SUZ12: variants seen among roughly 807,000 people sequenced by gnomAD.
The protein encoded by SUZ12 is polycomb protein SUZ12.
A neutral mutation model predicts 87.3 loss-of-function variants in SUZ12; 17 were observed. That is an observed-to-expected ratio of 0.19 (90% CI 0.13 to 0.29). The LOEUF is 0.29. SUZ12 is among the 10% of genes least tolerant of loss of function. The probability of loss-of-function intolerance (pLI) is 1.00; values close to 1 mark genes in which losing one functional copy is unlikely to be tolerated. For missense variants in SUZ12, 526 were observed against 912.2 expected (o/e 0.58, Z 5.45); for synonymous variants, 253 against 312.4 (o/e 0.81, Z 2.01).
chr17:31,940,123 C>T (rs1906183985), intron 1 of SUZ12, among the ~76,000 whole-genome samples, 163 bp from the exon 2 acceptor site: 1 of 151,994 alleles, frequency 6.6e-6, no homozygotes, highest in African/African-American at 2.4e-5. Flanking sequence ...ACCTTTTGAT[C>T]TTACTGTGCA....
intron 1 of SUZ12, among the ~76,000 whole-genome samples, chr17:31,938,851 G>T (rs1906100872): frequency 6.6e-6 from 1 of 152,102 alleles, no homozygotes; most frequent in African/African-American, 2.4e-5. Context: ...CTGATGAGTC[G>T]ACCTCAGGGA....
chr17:31,997,029 G>A, intron 15 of SUZ12, 152 bp downstream of exon 15: 1 of 513,978 alleles, frequency 1.9e-6, no homozygotes, highest in Non-Finnish European at 3.1e-6. Flanking sequence ...AATGTTTTTT[G>A]GTTTGGCAGG....
At chr17:31,992,994 C>CG in intron 10 of SUZ12, among the ~76,000 whole-genome samples, 1 of 152,268 alleles carries the variant, frequency 6.6e-6, no homozygotes. Context: ...CGTGAGCCAC[C>CG]GCGCCCGGCC....
chr17:31,977,889 TAAAAA>T (rs914147390), intron 8 of SUZ12, among the ~76,000 whole-genome samples: 12 of 152,060 alleles, frequency 7.9e-5, no homozygotes, highest in East Asian at 1.9e-4. Flanking sequence ...ACTCTTGTCT[TAAAAA>T]GAAAAGAAAA....
chr17:31,970,965 G>A (rs1249972147), intron 5 of SUZ12, among the ~76,000 whole-genome samples: 1 of 151,792 alleles, frequency 6.6e-6, no homozygotes, highest in Non-Finnish European at 1.5e-5. Flanking sequence ...AATACCTTTG[G>A]GACTTTAAAA....
intron 4 of SUZ12, among the ~76,000 whole-genome samples, chr17:31,950,670 T>TGA (rs1906913950): frequency 6.6e-6 from 1 of 152,178 alleles, no homozygotes; most frequent in African/African-American, 2.4e-5. Flanking sequence ...GGCAAGAGTG[T>TGA]GACTCTGTCT....
intron 3 of SUZ12, among the ~76,000 whole-genome samples, chr17:31,941,668 G>C (rs575870655): frequency 6.6e-6 from 1 of 151,570 alleles, no homozygotes; most frequent in African/African-American, 2.4e-5. Flanking sequence ...TCCTCCTTCA[G>C]CCTCCTTAGT....
At chr17:31,993,135 C>A in intron 10 of SUZ12, 107 bp from the exon 11 acceptor site, 1 of 666,900 alleles carries the variant, frequency 1.5e-6, no homozygotes, top group Non-Finnish European at 2.4e-6. Flanking sequence ...TTAAATACCA[C>A]AAGTAGAATT....
rs1312219346 is a variant in SUZ12 at position 31,947,922 on chromosome 17, A to G, written c.455+237A>G. 7.2e-5 allele frequency among the ~76,000 whole-genome samples: 11 copies of G among 152,090 alleles called. No individual in the cohort carries two copies. In the South Asian group the frequency reaches 2.1e-3, roughly 29 times the overall value. On this transcript the variant is annotated intron_variant, in intron 4 of 15. Transcript: ENST00000322652. ...GTTGTATTTATTATTGTTTATCTTT[A>G]TTACCAGTTTCTTCCATTTTGAGTG...
At chr17:31,974,873 T>C (rs1908651712) in intron 6 of SUZ12, among the ~76,000 whole-genome samples, 1 of 152,202 alleles carries the variant, frequency 6.6e-6, no homozygotes, top group Non-Finnish European at 1.5e-5. Flanking sequence ...GTGTAACTAA[T>C]CATACAATAA....
At chr17:31,951,949 AT>A (rs1356721060) in intron 4 of SUZ12, among the ~76,000 whole-genome samples, 1 of 151,578 alleles carries the variant, frequency 6.6e-6, no homozygotes, top group Non-Finnish European at 1.5e-5. Flanking sequence ...TAATTTTTGT[AT>A]TTTTAGTAGA....
chr17:31,985,327 A>G (rs1248677180), intron 9 of SUZ12, among the ~76,000 whole-genome samples: 1 of 151,922 alleles, frequency 6.6e-6, no homozygotes, highest in Non-Finnish European at 1.5e-5. Flanking sequence ...TTTTCTCAGC[A>G]TTTTTTAAAT....
chr17:31,944,135 TA>T (rs1209512217), intron 3 of SUZ12, among the ~76,000 whole-genome samples: 11 of 152,146 alleles, frequency 7.2e-5, no homozygotes, highest in South Asian at 4.1e-4. Flanking sequence ...TTATTATTAT[TA>T]TTTTTTTTTG....
rs139740652 is a variant in SUZ12 at position 32,000,793 on chromosome 17, T to C, written c.*1790T>C. ...CCCCAAATAGTAATAAAATTACTTC[T>C]GTTGAGTAAACTTTTTATGTCATCG... is the stretch of plus-strand genomic sequence containing the variant. On this transcript the variant is annotated 3_prime_UTR_variant, in exon 16 of 16. Transcript: ENST00000322652. 1.5e-4 allele frequency: 35 copies of C among 230,290 alleles called. No individual in the cohort carries two copies. In the East Asian group the frequency reaches 2.2e-3, roughly 14 times the overall value. The allele number at this position is 230,290 out of a possible 1,614,324, so 14.3% of individuals were successfully genotyped here. A position where few individuals can be genotyped will look rare whatever the true frequency, so the allele number is the denominator to read the frequency against.
intron 4 of SUZ12, among the ~76,000 whole-genome samples, chr17:31,960,350 A>G (rs1460034198): frequency 1.3e-5 from 2 of 151,850 alleles, no homozygotes; most frequent in Non-Finnish European, 2.9e-5. Context: ...AGCTGGGATT[A>G]CAGGTGCCTG....
rs1462406039 is a variant in SUZ12, at chr17:31,975,684, T to C, written c.794T>C (p.Met265Thr). Residue 265 changes from methionine to threonine, a missense_variant, in exon 7 of 16, where the codon ATG becomes ACG. Met to Thr is a moderately conservative substitution (Grantham distance 81). Around this residue, in one of 9 missense-constraint regions of SUZ12, gnomAD observed 73 missense variants for 133.8 expected, o/e 0.55. Coordinates refer to ENST00000322652, the MANE Select transcript of SUZ12 (RefSeq NM_015355.4). ...TRPGRREFNG[M>T]INGETNENID... ...CCAGGAAGAAGAGAGTTTAATGGAA[T>C]GATTAATGGAGAAACCAATGAAAAT... 2 of 1,611,874 alleles carry C rather than the reference T, an allele frequency of 1.2e-6. No individual in the cohort carries two copies. Among genetic ancestry groups the C allele is most frequent in the South Asian group, 2.2e-5 (2 of 90,158 alleles).
intron 10 of SUZ12, among the ~76,000 whole-genome samples, chr17:31,991,533 T>G (rs563496883): frequency 2.8e-5 from 4 of 140,420 alleles, no homozygotes; most frequent in African/African-American, 1.2e-4. Context: ...TGTAAGGAAA[T>G]ATAAATACCT....
At chr17:31,985,520 T>C (rs1188089494) in intron 9 of SUZ12, among the ~76,000 whole-genome samples, 2 of 151,962 alleles carry the variant, frequency 1.3e-5, no homozygotes, top group Admixed American at 1.3e-4. Context: ...TTATCTATAC[T>C]GTTTGGGTTT....
chr17:31,954,884 G>A lies in SUZ12; in HGVS notation c.455+7199G>A, dbSNP rs373047768. Among the ~76,000 whole-genome samples the A allele has an allele frequency of 6.6e-5, 10 of 152,284 alleles. No individual in the cohort carries two copies. In the East Asian group the frequency reaches 1.9e-3, roughly 29 times the overall value. On this transcript the variant is annotated intron_variant, in intron 4 of 15. Coordinates refer to ENST00000322652, the MANE Select transcript of SUZ12 (RefSeq NM_015355.4). ...GAAAGAGCAAGTCTCCTTGAGAGTG[G>A]TATGAGAAGAAGCTGGAGCAGATGG...
Sources: allele counts gnomAD v4.1 joint callset (sites outside exome capture counted in the v4.1 genomes callset), GRCh38; gene constraint gnomAD v4.1.1; regional missense constraint gnomAD v4.1.1; transcripts MANE v1.5; gene names NCBI Gene and HGNC (gene_info 2026-07-23, HGNC 2026-07-21).